RGS22: variants seen among roughly 807,000 people sequenced by gnomAD.
The protein encoded by RGS22 is regulator of G-protein signaling 22.
RGS22 carries 148 observed loss-of-function variants against 172.9 expected under a neutral mutation model. That is an observed-to-expected ratio of 0.86 (90% confidence interval 0.75 to 0.98). RGS22 has a LOEUF of 0.98. Ranked by LOEUF, RGS22 falls within the 50% of genes least tolerant of loss-of-function variation. The pLI is 0.00. For synonymous variants in RGS22, 458 were observed against 480.2 expected, an observed-to-expected ratio of 0.95 and a Z score of 0.60; for missense variants, 1,347 against 1,440.8, an observed-to-expected ratio of 0.93 and a Z score of 1.05.
intron 14 of RGS22, among the ~76,000 whole-genome samples, chr8:100,027,019 C>G (rs879294667): frequency 3.9e-5 from 6 of 152,120 alleles, no homozygotes; most frequent in Non-Finnish European, 8.8e-5. Flanking sequence ...TGCTTGAGTA[C>G]AAGAGTTCAA....
At chr8:100,102,133 ATG>A (rs1296313747) in intron 2 of RGS22, among the ~76,000 whole-genome samples, 5 of 152,314 alleles carry the variant, frequency 3.3e-5, no homozygotes, top group Non-Finnish European at 5.9e-5. Flanking sequence ...TTCTACACTT[ATG>A]TAAGTATTAA....
intron 26 of RGS22, 64 bp downstream of exon 26, chr8:99,962,623 G>A: frequency 6.6e-7 from 1 of 1,509,330 alleles, no homozygotes; most frequent in Non-Finnish European, 9.1e-7. Flanking sequence ...GAATGGCCAG[G>A]TGAGAGGCAA....
At chr8:100,039,058 T>C in intron 13 of RGS22, 26 bp from the exon 14 acceptor site, 1 of 1,298,464 alleles carries the variant, frequency 7.7e-7, no homozygotes, top group Non-Finnish European at 1.1e-6. Context: ...GTACATAAAT[T>C]ATTACCACCC....
chr8:100,031,574 C>T (rs553438877), intron 14 of RGS22, among the ~76,000 whole-genome samples: 15 of 151,040 alleles, frequency 9.9e-5, no homozygotes, highest in East Asian at 3.9e-4. Context: ...AAATTTGGTG[C>T]GTGTGTGTGT....
chr8:100,074,014 A>G (rs1811170295), intron 4 of RGS22, among the ~76,000 whole-genome samples: 2 of 152,214 alleles, frequency 1.3e-5, no homozygotes, highest in Non-Finnish European at 2.9e-5. Flanking sequence ...ATAAATACTT[A>G]TAAGAAACAC....
chr8:100,046,631 T>C (rs564962015), intron 11 of RGS22, among the ~76,000 whole-genome samples: 40 of 148,702 alleles, frequency 2.7e-4, no homozygotes, highest in African/African-American at 9.2e-4. Context: ...CTAGATAAGC[T>C]GAAAAAACTT....
At chr8:100,079,020 A>G (rs1811557426) in intron 4 of RGS22, among the ~76,000 whole-genome samples, 1 of 152,266 alleles carries the variant, frequency 6.6e-6, no homozygotes, top group Non-Finnish European at 1.5e-5. Context: ...ATCTTCAAAT[A>G]TATCAAATAA....
intron 24 of RGS22, 133 bp from the exon 25 acceptor site, chr8:99,963,111 T>C: frequency 1.5e-6 from 1 of 664,816 alleles, no homozygotes; most frequent in East Asian, 3.2e-5. Context: ...AAAGTGCACA[T>C]CACAAGTTTA....
chr8:100,088,122 T>G (rs1048123232), intron 3 of RGS22, among the ~76,000 whole-genome samples: 1 of 151,988 alleles, frequency 6.6e-6, no homozygotes, highest in African/African-American at 2.4e-5. Context: ...CCCACAACAG[T>G]CCATCTAGCA....
At chr8:99,995,275 T>A (rs1409959139) in intron 20 of RGS22, among the ~76,000 whole-genome samples, 8 of 152,170 alleles carry the variant, frequency 5.3e-5, no homozygotes, top group Admixed American at 5.2e-4. Context: ...CGGGATCTAA[T>A]TAAACTAATG....
intron 9 of RGS22, among the ~76,000 whole-genome samples, chr8:100,058,619 C>T (rs1296851818): frequency 1.3e-5 from 2 of 152,094 alleles, no homozygotes; most frequent in Admixed American, 6.6e-5. Flanking sequence ...AAGGAAAAAA[C>T]TTTTACCCTA....
At chr8:100,077,271 A>G (rs191273809) in intron 4 of RGS22, among the ~76,000 whole-genome samples, 1 of 151,620 alleles carries the variant, frequency 6.6e-6, no homozygotes, top group East Asian at 1.9e-4. Context: ...TCTGTTCTTT[A>G]TTTCTTTATT....
intron 24 of RGS22, among the ~76,000 whole-genome samples, chr8:99,964,340 G>A (rs781718214): frequency 2.6e-5 from 4 of 152,010 alleles, no homozygotes; most frequent in Non-Finnish European, 5.9e-5. Flanking sequence ...TGTAGTCCCA[G>A]CTACTTGGGA....
intron 4 of RGS22, among the ~76,000 whole-genome samples, chr8:100,075,207 T>C (rs1811264859): frequency 6.6e-6 from 1 of 152,122 alleles, no homozygotes; most frequent in African/African-American, 2.4e-5. Flanking sequence ...ATGCTGGAGG[T>C]AGGGCCTAGT....
At chr8:100,028,484 C>G (rs539093571) in intron 14 of RGS22, among the ~76,000 whole-genome samples, 1 of 149,952 alleles carries the variant, frequency 6.7e-6, no homozygotes, top group Admixed American at 6.6e-5. Flanking sequence ...AAAAAAAAAG[C>G]CTTGCTTCTA....
chr8:100,007,264 G>A (rs182581501), intron 15 of RGS22, among the ~76,000 whole-genome samples: 120 of 152,242 alleles, frequency 7.9e-4, no homozygotes, highest in South Asian at 1.2e-3. Context: ...GCAGAGTTCC[G>A]CCTGAAATGA....
At chr8:99,977,583 G>C (rs543831840) in intron 23 of RGS22, among the ~76,000 whole-genome samples, 2 of 152,208 alleles carry the variant, frequency 1.3e-5, no homozygotes, top group South Asian at 4.2e-4. Context: ...CTATCATTGA[G>C]GATCTTAGTC....
Position 99,962,973 on chromosome 8 carries a change from G to C in RGS22, c.3621C>G (p.Thr1207=), listed in dbSNP as rs375488833. 4.5e-6 allele frequency: 7 copies of C among 1,560,450 alleles called. No individual in the cohort carries two copies. Among genetic ancestry groups the C allele is most frequent in the Non-Finnish European group, 6.0e-6 (7 of 1,163,360 alleles). ...LGLQPYGRQP[T]WCYSKYIEAL... ...CTTCTATATACTTTGAGTAGCACCA[G>C]GTTGGCTAAAAAAAGCAATTTTCAA... Residue 1207 remains threonine, a synonymous_variant, in exon 25 of 28, where the codon ACC becomes ACG. Coordinates refer to ENST00000360863, the MANE Select transcript of RGS22 (RefSeq NM_015668.5).
chr8:100,059,319 C>T (rs1809906812), intron 9 of RGS22, among the ~76,000 whole-genome samples: 1 of 151,994 alleles, frequency 6.6e-6, no homozygotes. Flanking sequence ...ATGGGCTAAA[C>T]TCTCCAATCA....
Sources: gnomAD v4.1 joint callset for allele counts (sites outside exome capture counted in the v4.1 genomes callset) on GRCh38, gnomAD v4.1.1 for gene constraint, MANE v1.5 for transcripts, NCBI Gene and HGNC (gene_info 2026-07-23, HGNC 2026-07-21) for gene names.